Variants in SORBS2 observed in about 807,000 individuals in gnomAD.
The protein encoded by SORBS2 is sorbin and SH3 domain-containing protein 2.
In SORBS2, 46 loss-of-function variants were observed where a neutral mutation model predicts 97.7. The observed-to-expected ratio is 0.47, with a 90% CI of 0.37 to 0.60. The LOEUF is 0.60. SORBS2 is among the 20% of genes least tolerant of loss of function. The probability of loss-of-function intolerance (pLI) is 0.00; values close to 1 mark genes in which losing one functional copy is unlikely to be tolerated. For synonymous variants in SORBS2, 476 were observed against 473.4 expected, an observed-to-expected ratio of 1.01 and a Z score of -0.07; for missense variants, 1,316 against 1,282.3, an observed-to-expected ratio of 1.03 and a Z score of -0.40.
chr4:185,891,481 C>G (rs955424060), intron 1 of SORBS2, among the ~76,000 whole-genome samples: 1 of 152,202 alleles, frequency 6.6e-6, no homozygotes, highest in Non-Finnish European at 1.5e-5. Context: ...CTAGAGGAAA[C>G]AAGATTTCAA....
At chr4:185,722,969 AGC>A (rs2098527437) in intron 2 of SORBS2, among the ~76,000 whole-genome samples, 1 of 152,188 alleles carries the variant, frequency 6.6e-6, no homozygotes, top group Non-Finnish European at 1.5e-5. Context: ...AGCCGATCTG[AGC>A]TGTCACCCAA....
At chr4:185,953,353 C>T (rs1247956043) in intron 1 of SORBS2, among the ~76,000 whole-genome samples, 1 of 152,152 alleles carries the variant, frequency 6.6e-6, no homozygotes, top group Non-Finnish European at 1.5e-5. Context: ...ATATGTTTCC[C>T]AGACTCCATG....
chr4:185,644,638 A>G (rs1332169139), intron 4 of SORBS2, among the ~76,000 whole-genome samples: 2 of 152,174 alleles, frequency 1.3e-5, no homozygotes, highest in Non-Finnish European at 2.9e-5. Flanking sequence ...CATCTGTAAC[A>G]TGGAAATGCC....
chr4:185,886,607 G>A (rs374308980), intron 1 of SORBS2, among the ~76,000 whole-genome samples: 5 of 150,670 alleles, frequency 3.3e-5, no homozygotes, highest in South Asian at 2.1e-4. Flanking sequence ...AAACAACGTG[G>A]CCTGTGGCCT....
At chr4:185,879,986 T>C (rs919498753) in intron 1 of SORBS2, among the ~76,000 whole-genome samples, 1 of 152,178 alleles carries the variant, frequency 6.6e-6, no homozygotes, top group African/African-American at 2.4e-5. Context: ...AACGAAAGAA[T>C]GAACAAAAGG....
intron 2 of SORBS2, among the ~76,000 whole-genome samples, chr4:185,768,557 T>C (rs2098949833): frequency 6.6e-6 from 1 of 151,824 alleles, no homozygotes; most frequent in South Asian, 2.1e-4. Flanking sequence ...AAAATTAGCT[T>C]GCGTGGTGAC....
intron 1 of SORBS2, among the ~76,000 whole-genome samples, chr4:185,907,444 A>G (rs1039353855): frequency 6.6e-6 from 1 of 152,186 alleles, no homozygotes; most frequent in Non-Finnish European, 1.5e-5. Context: ...GGTGTTATTT[A>G]CCGTCTTTAT....
At chr4:185,865,332 T>C (rs540816410) in intron 1 of SORBS2, among the ~76,000 whole-genome samples, 151 of 152,272 alleles carry the variant, frequency 9.9e-4, no homozygotes, top group African/African-American at 3.5e-3. Flanking sequence ...GGCTGCTGCA[T>C]CTACCTGCTG....
intron 1 of SORBS2, among the ~76,000 whole-genome samples, chr4:185,815,554 TA>T: frequency 6.6e-6 from 1 of 152,302 alleles, no homozygotes; most frequent in African/African-American, 2.4e-5. Flanking sequence ...TATGATTTTC[TA>T]AGACAAATAT....
At chr4:185,941,679 C>T (rs1278743453) in intron 1 of SORBS2, among the ~76,000 whole-genome samples, 2 of 152,148 alleles carry the variant, frequency 1.3e-5, no homozygotes, top group African/African-American at 2.4e-5. Flanking sequence ...GTACTCAACA[C>T]GAGTATGATT....
At chr4:185,922,166 C>T (rs1465141969) in intron 1 of SORBS2, among the ~76,000 whole-genome samples, 1 of 152,214 alleles carries the variant, frequency 6.6e-6, no homozygotes, top group East Asian at 1.9e-4. Context: ...TTAGCTTTAA[C>T]AGTCGTGGTT....
intron 2 of SORBS2, among the ~76,000 whole-genome samples, chr4:185,702,034 G>T (rs1247118675): frequency 6.6e-6 from 1 of 152,176 alleles, no homozygotes; most frequent in Non-Finnish European, 1.5e-5. Flanking sequence ...CTCCCAAAGT[G>T]CTAGGATTAC....
At chr4:185,641,126 C>T (rs1004682832) in intron 4 of SORBS2, among the ~76,000 whole-genome samples, 1 of 134,312 alleles carries the variant, frequency 7.4e-6, no homozygotes, top group African/African-American at 2.6e-5. Context: ...TATAGTAATG[C>T]ATCTCTATGA....
At chr4:185,732,247 G>C (rs1377823075) in intron 2 of SORBS2, among the ~76,000 whole-genome samples, 4 of 152,024 alleles carry the variant, frequency 2.6e-5, no homozygotes, top group African/African-American at 4.8e-5. Context: ...GACACATCAG[G>C]CTTTAGAAAA....
intron 2 of SORBS2, among the ~76,000 whole-genome samples, chr4:185,769,540 G>C (rs1362604443): frequency 2.0e-5 from 3 of 152,170 alleles, no homozygotes; most frequent in Non-Finnish European, 4.4e-5. Flanking sequence ...GCCCAGGCTG[G>C]AGTGCAATGA....
chr4:185,638,849 A>C, intron 4 of SORBS2, 28 bp downstream of exon 14: 3 of 1,428,854 alleles, frequency 2.1e-6, no homozygotes, highest in Non-Finnish European at 2.7e-6. Context: ...GCCGGGCATG[A>C]AGAAAGGTAA....
chr4:185,663,803 T>C (rs2097555290), intron 4 of SORBS2, among the ~76,000 whole-genome samples: 1 of 151,486 alleles, frequency 6.6e-6, no homozygotes, highest in Non-Finnish European at 1.5e-5. Context: ...GTTTCAATAA[T>C]ATTGACTAGG....
chr4:185,893,085 C>G (rs928808633), intron 1 of SORBS2, among the ~76,000 whole-genome samples: 1 of 152,004 alleles, frequency 6.6e-6, no homozygotes, highest in Non-Finnish European at 1.5e-5. Flanking sequence ...CTTGAATTTT[C>G]TAAGGATGCT....
At chr4:185,770,095 T>TG (rs555093445) in intron 2 of SORBS2, among the ~76,000 whole-genome samples, 301 of 151,978 alleles carry the variant, frequency 2.0e-3, no homozygotes, top group Non-Finnish European at 3.7e-3. Context: ...TTTTTTTTTT[T>TG]TGAGACGAAG....
Sources: allele counts gnomAD v4.1 joint callset (sites outside exome capture counted in the v4.1 genomes callset), GRCh38; gene constraint gnomAD v4.1.1; transcripts MANE v1.5; gene names NCBI Gene and HGNC (gene_info 2026-07-23, HGNC 2026-07-21).